The following CC2D2A variants were observed in gnomAD, a reference collection of about 807,000 sequenced individuals.
CC2D2A encodes coiled-coil and C2 domain-containing protein 2A.
Under a neutral mutation model 212.9 loss-of-function variants are expected in CC2D2A, and 155 were observed. The observed-to-expected ratio is 0.73, with a 90% CI of 0.64 to 0.83. The LOEUF is 0.83. Among genes scored for constraint, CC2D2A ranks in the 40% least tolerant of loss-of-function variants. The pLI is 0.00. For synonymous variants in CC2D2A, 667 were observed against 686.5 expected, an observed-to-expected ratio of 0.97 and a Z score of 0.44; for missense variants, 1,856 against 1,956.2, an observed-to-expected ratio of 0.95 and a Z score of 0.97.
intron 4 of CC2D2A, chr4:15,481,672 C>A (rs779380024): frequency 1.9e-4 from 103 of 528,888 alleles, no homozygotes; most frequent in Non-Finnish European, 2.3e-4. Flanking sequence ...ATTGCACAGT[C>A]TGCAGAACAG....
chr4:15,569,205 T>G lies in CC2D2A; in HGVS notation c.3399-88T>G, dbSNP rs1194711220. 8 of 705,392 alleles carry G rather than the reference T, an allele frequency of 1.1e-5. No homozygotes were observed. The African/African-American group carries it at 1.4e-4, about 13-fold the overall frequency. 43.7% of individuals were successfully genotyped at this position (705,392 alleles called of 1,614,324 possible). On this transcript the variant is annotated intron_variant, in intron 26 of 36. Transcript: ENST00000424120. ...TTAATTCTAACATCTATGCTCATAT[T>G]TGGGTATTTTTCAAATGCTGACATT...
At position 15,522,384 on chromosome 4, in the gene CC2D2A, C is replaced by G. The variant is rs372286093; in HGVS notation, c.1150-5063C>G. Among the ~76,000 whole-genome samples the G allele has an allele frequency of 7.9e-5, 12 of 152,188 alleles. No individual in the cohort carries two copies. In the East Asian group the frequency reaches 2.3e-3, roughly 29 times the overall value. The stretch of plus-strand genomic sequence containing the variant: ...CACTGATCACCCGTTTGAGTCAAGC[C>G]CAGTTGTTCTTTGGTTAGAAATACT... On this transcript the variant is annotated intron_variant, in intron 11 of 36. Transcript: ENST00000424120.
At chr4:15,486,710 T>C (rs1715020982) in intron 4 of CC2D2A, among the ~76,000 whole-genome samples, 1 of 152,016 alleles carries the variant, frequency 6.6e-6, no homozygotes, top group African/African-American at 2.4e-5. Flanking sequence ...TTTGATGTGC[T>C]TTTGATTTTC....
chr4:15,524,447 A>ATTT (rs71179636), intron 11 of CC2D2A, among the ~76,000 whole-genome samples: 2 of 89,966 alleles, frequency 2.2e-5, no homozygotes, highest in African/African-American at 4.6e-5. Flanking sequence ...AAAATTTTTA[A>ATTT]TTTTTTTTTT....
At chr4:15,493,718 T>G (rs1715448384) in intron 4 of CC2D2A, among the ~76,000 whole-genome samples, 1 of 152,174 alleles carries the variant, frequency 6.6e-6, no homozygotes, top group East Asian at 1.9e-4. Flanking sequence ...TGGCATACAT[T>G]CTCTATGGGG....
intron 33 of CC2D2A, among the ~76,000 whole-genome samples, chr4:15,594,983 AAAT>A (rs940810876): frequency 1.3e-5 from 2 of 151,572 alleles, no homozygotes; most frequent in African/African-American, 4.9e-5. Context: ...AAAAAAAAAA[AAAT>A]TTTTTTTTAA....
intron 4 of CC2D2A, among the ~76,000 whole-genome samples, chr4:15,484,666 A>G (rs1714898515): frequency 6.6e-6 from 1 of 152,236 alleles, no homozygotes; most frequent in South Asian, 2.1e-4. Flanking sequence ...TTATGAAAGC[A>G]GGAAGGTTGC....
In CC2D2A at chr4:15,587,923, T is replaced by C. The variant is rs931864610; in HGVS notation, c.4173T>C (p.Ile1391=). The change falls in exon 32 of 37, where the codon ATT becomes ATC. Residue 1391 remains isoleucine (I), a synonymous_variant. Transcript: ENST00000424120. ...KKAWLLMGNA[I]PEGPTAYVLT... Reference sequence around the variant, plus strand: ...CCTGGCTGTTGATGGGCAATGCTATTCCTGAGGTAAGACCACATAGGCTGC... The same window carrying C: ...CCTGGCTGTTGATGGGCAATGCTATCCCTGAGGTAAGACCACATAGGCTGC... 6.3e-7 allele frequency: 1 copy of C among 1,599,480 alleles called. No homozygotes were observed. The highest frequency in any genetic ancestry group is 1.3e-5 in the African/African-American group (1 of 74,592).
At chr4:15,492,491 C>CTTTT (rs370840520) in intron 4 of CC2D2A, among the ~76,000 whole-genome samples, 21 of 150,478 alleles carry the variant, frequency 1.4e-4, no homozygotes, top group Non-Finnish European at 3.0e-5. Flanking sequence ...ATGCCAAATT[C>CTTTT]TTTTTTTTGT....
chr4:15,560,411 C>T (rs1057235555), intron 22 of CC2D2A, 120 bp from the exon 23 acceptor site: 1 of 575,622 alleles, frequency 1.7e-6, no homozygotes, highest in Non-Finnish European at 3.1e-6. Context: ...AGGAAAGTAA[C>T]AGTTGGGCTG....
At chr4:15,542,140 T>A (rs1718487769) in intron 17 of CC2D2A, among the ~76,000 whole-genome samples, 1 of 152,176 alleles carries the variant, frequency 6.6e-6, no homozygotes, top group Admixed American at 6.5e-5. Flanking sequence ...TCTAATATGA[T>A]CTTATCTTCA....
chr4:15,559,080 T>C lies in CC2D2A; in HGVS notation c.2830-85T>C. ...AATATTTAAAACCACAAGTTATAACTTAAATCATATGTGATAAATAATTAC... is the reference window on the plus strand; with the variant it reads ...AATATTTAAAACCACAAGTTATAACCTAAATCATATGTGATAAATAATTAC... On this transcript the variant is annotated intron_variant, in intron 21 of 36. Transcript: ENST00000424120. 4 of 848,988 alleles carry C rather than the reference T, an allele frequency of 4.7e-6. No homozygotes were observed. The South Asian group carries it at 6.7e-5, about 14-fold the overall frequency. The allele number at this position is 848,988 out of a possible 1,614,324, so 52.6% of individuals were successfully genotyped here. A position where few individuals can be genotyped will look rare whatever the true frequency, so the allele number is the denominator to read the frequency against.
At chr4:15,574,493 G>A (rs530180342) in intron 29 of CC2D2A, among the ~76,000 whole-genome samples, 167 bp downstream of exon 29, 6 of 152,310 alleles carry the variant, frequency 3.9e-5, no homozygotes, top group African/African-American at 1.2e-4. Context: ...GAAAACAGAT[G>A]TGTGGGTTTG....
intron 2 of CC2D2A, among the ~76,000 whole-genome samples, chr4:15,477,671 C>T (rs747917418): frequency 9.2e-5 from 14 of 152,122 alleles, no homozygotes; most frequent in Admixed American, 2.0e-4. Context: ...ATTAGTCAGG[C>T]CCAAAGAAGG....
intron 17 of CC2D2A, among the ~76,000 whole-genome samples, chr4:15,550,486 A>G (rs2109049662): frequency 6.6e-6 from 1 of 152,306 alleles, no homozygotes; most frequent in South Asian, 2.1e-4. Context: ...CTGTCTGAAT[A>G]CAACCTGAGC....
At chr4:15,474,467 AGGTTGTTTAAT>A (rs1324312149) in intron 1 of CC2D2A, among the ~76,000 whole-genome samples, 1 of 152,030 alleles carries the variant, frequency 6.6e-6, no homozygotes, top group Non-Finnish European at 1.5e-5. Context: ...GGGTCGGGGG[AGGTTGTTTAAT>A]GGATACAAAA....
intron 4 of CC2D2A, among the ~76,000 whole-genome samples, chr4:15,484,083 A>C (rs1714860754): frequency 6.6e-6 from 1 of 152,038 alleles, no homozygotes. Flanking sequence ...AAAAAAGAGA[A>C]AAACAAATGA....
Position 15,550,813 on chromosome 4 carries a change from C to G in CC2D2A, c.2182-11C>G. ...TGTTTTTATTGGCTATTTCTCTTCT[C>G]TGGTTTTCAGGTCTATGAAACTGTC... is the stretch of plus-strand genomic sequence containing the variant. On this transcript the variant is annotated splice_polypyrimidine_tract_variant and intron_variant, in intron 17 of 36. Coordinates refer to ENST00000424120, the MANE Select transcript of CC2D2A (RefSeq NM_001378615.1). 1 of 1,547,654 alleles carries G rather than the reference C, an allele frequency of 6.5e-7. No individual in the cohort carries two copies. The highest frequency in any genetic ancestry group is 1.4e-5 in the African/African-American group (1 of 73,990).
At chr4:15,478,545 T>A (rs1218937138) in intron 2 of CC2D2A, among the ~76,000 whole-genome samples, 178 bp from the exon 3 acceptor site, 4 of 152,202 alleles carry the variant, frequency 2.6e-5, no homozygotes, top group Non-Finnish European at 5.9e-5. Flanking sequence ...TTCGAAAACA[T>A]GTCTATGTTG....
Sources: allele counts gnomAD v4.1 joint callset (sites outside exome capture counted in the v4.1 genomes callset), GRCh38; gene constraint gnomAD v4.1.1; transcripts MANE v1.5; gene names NCBI Gene and HGNC (gene_info 2026-07-23, HGNC 2026-07-21).